The following NAA35 variants were observed in gnomAD, a reference collection of about 807,000 sequenced individuals.
NAA35 encodes MAK10 homolog, amino-acid N-acetyltransferase subunit.
A neutral mutation model predicts 101.7 loss-of-function variants in NAA35; 18 were observed. The observed-to-expected ratio is 0.18, with a 90% CI of 0.12 to 0.26. NAA35 has a LOEUF of 0.26. NAA35 is among the 10% of genes least tolerant of loss of function. NAA35 has a pLI of 1.00. For missense variants in NAA35, 601 were observed against 886.8 expected (o/e 0.68, Z 4.09); for synonymous variants, 267 against 273.1 (o/e 0.98, Z 0.22).
intron 13 of NAA35, among the ~76,000 whole-genome samples, chr9:86,006,113 T>TA (rs1209755086): frequency 3.3e-5 from 5 of 151,008 alleles, no homozygotes; most frequent in African/African-American, 9.8e-5. Flanking sequence ...GAGGTTGCAG[T>TA]AAGCCAAGAT....
chr9:85,994,169 A>G (rs1339520267), intron 11 of NAA35, among the ~76,000 whole-genome samples: 4 of 152,238 alleles, frequency 2.6e-5, no homozygotes, highest in Non-Finnish European at 5.9e-5. Flanking sequence ...TTGGTTAAAT[A>G]AAACGTAAAG....
At position 86,016,549 on chromosome 9, in the gene NAA35, G is replaced by C. The variant is rs1458815651; in HGVS notation, c.1579G>C (p.Glu527Gln). 2.5e-6 allele frequency: 4 copies of C among 1,613,228 alleles called. No homozygotes were observed. The Middle Eastern group carries it at 5.0e-4, about 200-fold the overall frequency. The change falls in exon 18 of 23, where the codon GAA (glutamate) becomes CAA (glutamine). Residue 527 changes from glutamate to glutamine, a missense_variant. Physicochemically the swap from Glu to Gln is conservative, Grantham distance 29. Coordinates refer to ENST00000361671, the MANE Select transcript of NAA35 (RefSeq NM_024635.4). ...TTTGTATCCTTTAAGGTATCTCTCT[G>C]AATTCCTTTACGCATGGTTGATGTC... The part of the protein sequence containing the change: ...EYYYIYWYLS[E>Q]FLYAWLMSTL...
At chr9:85,960,409 A>G (rs1829464636) in intron 5 of NAA35, among the ~76,000 whole-genome samples, 1 of 152,020 alleles carries the variant, frequency 6.6e-6, no homozygotes, top group Non-Finnish European at 1.5e-5. Flanking sequence ...TTATATTGAC[A>G]TTAAATCATT....
At chr9:85,944,917 G>T (rs1403578008) in intron 2 of NAA35, among the ~76,000 whole-genome samples, 1 of 152,136 alleles carries the variant, frequency 6.6e-6, no homozygotes, top group South Asian at 2.1e-4. Context: ...ACCACAGGTC[G>T]GCAGAATTTA....
In NAA35 at chr9:86,008,742, T is replaced by G. The variant is rs147438115; in HGVS notation, c.1224-1123T>G. Among the ~76,000 whole-genome samples, 14 of 152,348 alleles carry G rather than the reference T, an allele frequency of 9.2e-5. No homozygotes were observed. The East Asian group carries it at 2.5e-3, about 27-fold the overall frequency. Reference sequence around the variant, plus strand: ...TAGTTGTTCCACTGTTTTAAAACTTTCAGTGTTATAGATGAGAATCCTCTT... The same window carrying G: ...TAGTTGTTCCACTGTTTTAAAACTTGCAGTGTTATAGATGAGAATCCTCTT... On this transcript the variant is annotated intron_variant, in intron 14 of 22. Transcript: ENST00000361671.
Position 85,985,578 on chromosome 9 carries a change from T to C in NAA35, c.877+7197T>C, listed in dbSNP as rs185547827. 8.3e-4 allele frequency among the ~76,000 whole-genome samples: 127 copies of C among 152,204 alleles called. 1 individual carries two copies. In the Middle Eastern group the frequency reaches 0.014, roughly 16 times the overall value. ...AAAGTAGATTAGTGGTTTCCTAGGA[T>C]TGGGGGAAGAATCATGGGCAGGTAA... On this transcript the variant is annotated intron_variant, in intron 11 of 22. Transcript: ENST00000361671.
chr9:85,953,239 T>C (rs747240012), intron 2 of NAA35, among the ~76,000 whole-genome samples: 1 of 150,844 alleles, frequency 6.6e-6, no homozygotes, highest in Non-Finnish European at 1.5e-5. Flanking sequence ...TTTTTTTTTT[T>C]ACCGGCTTAA....
chr9:86,023,443 C>T lies in NAA35; in HGVS notation c.*1483C>T, dbSNP rs1832653847. 1.3e-5 allele frequency among the ~76,000 whole-genome samples: 2 copies of T among 152,060 alleles called. No homozygotes were observed. The highest frequency in any genetic ancestry group is 2.9e-5 in the Non-Finnish European group (2 of 67,990). On this transcript the variant is annotated 3_prime_UTR_variant, in exon 23 of 23. Transcript: ENST00000361671. ...AGAAACAAAGAATCAAAAGAAAAAGCAAAGAGGAAAACAGAATGAGCATGG... is the reference window on the plus strand; with the variant it reads ...AGAAACAAAGAATCAAAAGAAAAAGTAAAGAGGAAAACAGAATGAGCATGG...
intron 11 of NAA35, among the ~76,000 whole-genome samples, chr9:85,979,496 G>T (rs1830346725): frequency 6.6e-6 from 1 of 152,184 alleles, no homozygotes; most frequent in South Asian, 2.1e-4. Flanking sequence ...TGGGAGCTAA[G>T]AACATAAAGT....
At chr9:85,953,436 T>C (rs1438712317) in intron 2 of NAA35, among the ~76,000 whole-genome samples, 2 of 152,084 alleles carry the variant, frequency 1.3e-5, no homozygotes, top group African/African-American at 4.8e-5. Context: ...TGACTTTTTT[T>C]CTCTTTTTGA....
At chr9:86,000,242 T>G (rs893595977) in intron 12 of NAA35, among the ~76,000 whole-genome samples, 1 of 152,222 alleles carries the variant, frequency 6.6e-6, no homozygotes, top group African/African-American at 2.4e-5. Flanking sequence ...ATCCCAGGGA[T>G]GCAGCCTACT....
intron 14 of NAA35, among the ~76,000 whole-genome samples, chr9:86,008,581 A>G (rs1455707662): frequency 6.6e-6 from 1 of 152,236 alleles, no homozygotes; most frequent in Non-Finnish European, 1.5e-5. Flanking sequence ...CCAGAGACTC[A>G]TAGGAATCTA....
chr9:86,011,500 A>C (rs2118414056), intron 15 of NAA35, among the ~76,000 whole-genome samples: 1 of 151,002 alleles, frequency 6.6e-6, no homozygotes. Context: ...CAGAGACTAC[A>C]GGCTCATGGC....
intron 4 of NAA35, among the ~76,000 whole-genome samples, chr9:85,959,376 CAA>C (rs397955563): frequency 4.8e-5 from 3 of 62,678 alleles, no homozygotes; most frequent in African/African-American, 1.1e-4. Flanking sequence ...GACTCTGTCT[CAA>C]AAAAAAAAAA....
intron 11 of NAA35, among the ~76,000 whole-genome samples, chr9:85,992,241 G>T (rs1287268527): frequency 1.3e-5 from 2 of 151,284 alleles, no homozygotes; most frequent in Non-Finnish European, 1.5e-5. Flanking sequence ...ATATAGAAAA[G>T]AACTTGAAGG....
intron 2 of NAA35, among the ~76,000 whole-genome samples, chr9:85,949,292 T>C (rs1487994633): frequency 6.7e-6 from 1 of 148,240 alleles, no homozygotes; most frequent in African/African-American, 2.6e-5. Flanking sequence ...TTTCTTTTTT[T>C]CTTTTTCTTT....
intron 5 of NAA35, among the ~76,000 whole-genome samples, chr9:85,961,157 T>C (rs1352778230): frequency 6.6e-6 from 1 of 152,218 alleles, no homozygotes; most frequent in East Asian, 1.9e-4. Flanking sequence ...CTGGAAAGTC[T>C]GTCTTCTGCA....
At chr9:85,993,443 ACAGGTGTGAG>A (rs1831013605) in intron 11 of NAA35, among the ~76,000 whole-genome samples, 1 of 152,214 alleles carries the variant, frequency 6.6e-6, no homozygotes, top group Non-Finnish European at 1.5e-5. Flanking sequence ...TGCTGCGATT[ACAGGTGTGAG>A]CCACCATGTC....
At chr9:86,021,662 G>A (rs1832564332) in intron 22 of NAA35, among the ~76,000 whole-genome samples, 1 of 152,256 alleles carries the variant, frequency 6.6e-6, no homozygotes, top group Middle Eastern at 3.4e-3. Flanking sequence ...GTTCTTTGAA[G>A]ATAGAAAACA....
Sources: gnomAD v4.1 joint callset for allele counts (sites outside exome capture counted in the v4.1 genomes callset) on GRCh38, gnomAD v4.1.1 for gene constraint, MANE v1.5 for transcripts, NCBI Gene and HGNC (gene_info 2026-07-23, HGNC 2026-07-21) for gene names.